AGL: variants seen among roughly 807,000 people sequenced by gnomAD.
AGL encodes amylo-alpha-1,6-glucosidase and 4-alpha-glucanotransferase.
A neutral mutation model predicts 199.3 loss-of-function variants in AGL; 128 were observed. The observed-to-expected ratio is 0.64, with a 90% CI of 0.56 to 0.74. The LOEUF is 0.74. Among genes scored for constraint, AGL ranks in the 30% least tolerant of loss-of-function variants. The pLI, the probability that AGL is intolerant of heterozygous loss-of-function variation, is 0.00. For missense variants in AGL, 1,809 were observed against 1,820.8 expected, an observed-to-expected ratio of 0.99 and a Z score of 0.12; for synonymous variants, 584 against 594.7, an observed-to-expected ratio of 0.98 and a Z score of 0.26.
At chr1:99,881,773 T>C in intron 17 of AGL, 82 bp downstream of exon 17, 1 of 1,183,614 alleles carries the variant, frequency 8.4e-7, no homozygotes, top group Middle Eastern at 2.7e-4. Context: ...TTATATATCA[T>C]GTATATATCA....
intron 21 of AGL, among the ~76,000 whole-genome samples, chr1:99,889,319 G>T (rs1437869517): frequency 6.6e-6 from 1 of 151,996 alleles, no homozygotes. Flanking sequence ...GCACGTAAGC[G>T]GTTCTCAATA....
intron 27 of AGL, among the ~76,000 whole-genome samples, chr1:99,905,698 C>G (rs982180393): frequency 3.9e-5 from 6 of 152,094 alleles, no homozygotes; most frequent in Non-Finnish European, 8.8e-5. Flanking sequence ...CTCAGACTGC[C>G]AAGTAGCTGA....
Position 99,913,632 on chromosome 1 carries a change from A to G in AGL, c.4055A>G (p.His1352Arg), listed in dbSNP as rs779042174. 8.7e-6 allele frequency: 14 copies of G among 1,614,006 alleles called. No individual in the cohort carries two copies. The highest frequency in any genetic ancestry group is 1.3e-5 in the African/African-American group (1 of 74,942). ...GACCCTTCAGATTTAAATGAAAAGCATCCAAATCTGGTTCACAAACGTGGC... is the reference window on the plus strand; with the variant it reads ...GACCCTTCAGATTTAAATGAAAAGCGTCCAAATCTGGTTCACAAACGTGGC... ...SEDPSDLNEKHPNLVHKRGIY... is the reference protein window; with the variant it reads ...SEDPSDLNEKRPNLVHKRGIY... Residue 1352 changes from histidine (H) to arginine (R), a missense_variant, in exon 30 of 34, where the codon CAT (histidine) becomes CGT (arginine). Transcript: ENST00000361915.
chr1:99,876,868 A>G (rs1483289263), intron 11 of AGL, among the ~76,000 whole-genome samples: 2 of 152,194 alleles, frequency 1.3e-5, no homozygotes, highest in Non-Finnish European at 2.9e-5. Context: ...GTGGGTCTAC[A>G]TAAGCTTTTA....
intron 4 of AGL, among the ~76,000 whole-genome samples, 156 bp downstream of exon 4, chr1:99,862,579 C>T (rs1337819996): frequency 2.0e-5 from 3 of 152,172 alleles, no homozygotes; most frequent in Non-Finnish European, 4.4e-5. Flanking sequence ...AGGTTTGACT[C>T]ACAGTTCCGC....
At chr1:99,868,366 C>T (rs1329212308) in intron 5 of AGL, among the ~76,000 whole-genome samples, 2 of 152,066 alleles carry the variant, frequency 1.3e-5, no homozygotes, top group Non-Finnish European at 2.9e-5. Flanking sequence ...AATCCCAGCA[C>T]TTTGGGAGGC....
chr1:99,916,729 G>C lies in AGL; in HGVS notation c.4479G>C (p.Glu1493Asp). 1 of 1,613,130 alleles carries C rather than the reference G, an allele frequency of 6.2e-7. No individual in the cohort carries two copies. The highest frequency in any genetic ancestry group is 8.5e-7 in the Non-Finnish European group (1 of 1,179,378). The stretch of plus-strand genomic sequence containing the variant: ...TTTCCCGACATTATGTTCATCTTGA[G>C]AGGTAAGTCATCAGGAGCATGTAAT... ...NVLSRHYVHL[E>D]RSPWKGLPEL... The change falls in exon 33 of 34, where the codon GAG becomes GAC. Residue 1493 changes from glutamate (E) to aspartate (D), a missense_variant and splice_region_variant. By Grantham distance (45) the Glu-to-Asp change is conservative. Coordinates refer to ENST00000361915, the MANE Select transcript of AGL (RefSeq NM_000642.3).
chr1:99,886,277 A>G (rs1652446340), intron 20 of AGL, among the ~76,000 whole-genome samples: 1 of 152,126 alleles, frequency 6.6e-6, no homozygotes, highest in Non-Finnish European at 1.5e-5. Context: ...GGAGTCCAAG[A>G]CCAGCCTGGG....
chr1:99,906,194 A>G lies in AGL; in HGVS notation c.3700+3400A>G, dbSNP rs600777. Among the ~76,000 whole-genome samples, 987 of 152,144 alleles carry G rather than the reference A, an allele frequency of 6.5e-3. 13 individuals are homozygous for G. The highest frequency in any genetic ancestry group is 0.023 in the African/African-American group (953 of 41,494). On this transcript the variant is annotated intron_variant, in intron 27 of 33. Coordinates refer to ENST00000361915, the MANE Select transcript of AGL (RefSeq NM_000642.3). ...CCTACTTTCTGCCTCTATAAATTCA[A>G]TTATCCTAGGGACCTCATATAAGCG...
chr1:99,889,851 A>G (rs1002307439), intron 21 of AGL, among the ~76,000 whole-genome samples: 3 of 152,082 alleles, frequency 2.0e-5, no homozygotes, highest in African/African-American at 7.2e-5. Context: ...TTGCTGCTTT[A>G]TACCAATCCC....
intron 2 of AGL, among the ~76,000 whole-genome samples, chr1:99,853,545 C>T (rs4908033): frequency 0.024 from 3,682 of 152,252 alleles, 67 homozygotes; most frequent in South Asian, 0.071. Context: ...AATAATGAAG[C>T]AGTGTCTAAA....
In AGL at chr1:99,861,702, T is replaced by C; in HGVS notation, c.282T>C (p.Tyr94=). Residue 94 remains tyrosine (Y), a synonymous_variant, in exon 3 of 34, where the codon TAT becomes TAC. Transcript: ENST00000361915. The stretch of plus-strand genomic sequence containing the variant: ...AACAATCTGGTTCATTTCAGTATTA[T>C]TTCCTTCAAGGGTAAGTCAGGTGTT... ...NLQQSGSFQY[Y]FLQGNEKSGG... 1 of 1,613,704 alleles carries C rather than the reference T, an allele frequency of 6.2e-7. No homozygotes were observed. The highest frequency in any genetic ancestry group is 8.5e-7 in the Non-Finnish European group (1 of 1,179,738).
chr1:99,884,292 T>G (rs1289981463), intron 18 of AGL, 47 bp from the exon 19 acceptor site: 1 of 1,612,250 alleles, frequency 6.2e-7, no homozygotes, highest in Admixed American at 1.7e-5. Flanking sequence ...TTTAAGAACA[T>G]TAGAACTATT....
intron 2 of AGL, among the ~76,000 whole-genome samples, chr1:99,854,762 T>G (rs1177217148): frequency 7.9e-6 from 1 of 126,568 alleles, no homozygotes; most frequent in Admixed American, 8.2e-5. Context: ...AGATGCCGTC[T>G]CAAAAAAAAA....
At chr1:99,887,945 A>G in intron 20 of AGL, 33 bp from the exon 21 acceptor site, 1 of 1,611,210 alleles carries the variant, frequency 6.2e-7, no homozygotes, top group South Asian at 1.1e-5. Context: ...GCGAAACTTC[A>G]ATATATGGTT....
chr1:99,910,898 A>G, intron 28 of AGL, 51 bp downstream of exon 28: 2 of 1,575,302 alleles, frequency 1.3e-6, no homozygotes, highest in Non-Finnish European at 1.7e-6. Flanking sequence ...TTAAGAAAGC[A>G]CTTACTTGTG....
intron 21 of AGL, among the ~76,000 whole-genome samples, chr1:99,889,107 C>G (rs1652680855): frequency 6.6e-6 from 1 of 152,142 alleles, no homozygotes; most frequent in African/African-American, 2.4e-5. Flanking sequence ...CAAAATGGTA[C>G]CTACCACAGG....
chr1:99,883,478 A>G (rs1423396001), intron 17 of AGL, among the ~76,000 whole-genome samples: 1 of 152,166 alleles, frequency 6.6e-6, no homozygotes, highest in Non-Finnish European at 1.5e-5. Flanking sequence ...ATACAGTAGA[A>G]TATTATTTGG....
chr1:99,881,482 A>G (rs773888490), intron 16 of AGL, 35 bp downstream of exon 16: 6 of 1,614,056 alleles, frequency 3.7e-6, no homozygotes, highest in East Asian at 2.2e-5. Context: ...TTCAGGTTCA[A>G]TTTCAGAGTA....
Sources: allele counts gnomAD v4.1 joint callset (sites outside exome capture counted in the v4.1 genomes callset), GRCh38; gene constraint gnomAD v4.1.1; transcripts MANE v1.5; gene names NCBI Gene and HGNC (gene_info 2026-07-23, HGNC 2026-07-21).